SEC24D: variants seen among roughly 807,000 people sequenced by gnomAD.
SEC24D encodes SEC24 homolog D, COPII component.
SEC24D carries 69 observed loss-of-function variants against 116.9 expected under a neutral mutation model. That is an observed-to-expected ratio of 0.59 (90% CI 0.49 to 0.72). The LOEUF is 0.72. Among genes scored for constraint, SEC24D ranks in the 30% least tolerant of loss-of-function variants. The probability of loss-of-function intolerance (pLI) is 0.00; values close to 1 mark genes in which losing one functional copy is unlikely to be tolerated. For missense variants in SEC24D, 1,131 were observed against 1,264.1 expected (o/e 0.89, Z 1.60); for synonymous variants, 405 against 442.8 (o/e 0.91, Z 1.07).
At chr4:118,824,190 A>G (rs566279088) in intron 3 of SEC24D, among the ~76,000 whole-genome samples, 205 of 152,188 alleles carry the variant, frequency 1.3e-3, no homozygotes, top group African/African-American at 4.4e-3. Context: ...TGTGTTGCCC[A>G]GGCTGGAGTG....
intron 8 of SEC24D, among the ~76,000 whole-genome samples, chr4:118,787,845 G>A (rs541425114): frequency 2.6e-5 from 4 of 152,048 alleles, no homozygotes; most frequent in Non-Finnish European, 5.9e-5. Flanking sequence ...TAAAGTCGAG[G>A]TCTCACTCTG....
chr4:118,789,065 G>A (rs1228087486), intron 8 of SEC24D, among the ~76,000 whole-genome samples: 1 of 152,208 alleles, frequency 6.6e-6, no homozygotes, highest in Non-Finnish European at 1.5e-5. Context: ...GGAAGAGCAA[G>A]AGGCTCATTG....
At chr4:118,799,760 G>T (rs553631658) in intron 7 of SEC24D, among the ~76,000 whole-genome samples, 1 of 152,284 alleles carries the variant, frequency 6.6e-6, no homozygotes, top group East Asian at 1.9e-4. Context: ...TCCTAAAGAG[G>T]CAGTTTTGGT....
At chr4:118,788,249 T>C (rs1177355584) in intron 8 of SEC24D, among the ~76,000 whole-genome samples, 1 of 152,230 alleles carries the variant, frequency 6.6e-6, no homozygotes, top group Non-Finnish European at 1.5e-5. Flanking sequence ...TAGGGCTTCA[T>C]AAATGGCATC....
At chr4:118,804,470 CCCA>C (rs2110512673) in intron 7 of SEC24D, among the ~76,000 whole-genome samples, 1 of 151,508 alleles carries the variant, frequency 6.6e-6, no homozygotes, top group Non-Finnish European at 1.5e-5. Context: ...TGAAAAAAGC[CCCA>C]ATATTGTTTT....
chr4:118,756,006 A>G (rs1312088271), intron 11 of SEC24D, among the ~76,000 whole-genome samples: 1 of 152,186 alleles, frequency 6.6e-6, no homozygotes, highest in East Asian at 1.9e-4. Context: ...TTCATAACTT[A>G]TATCAACAGG....
intron 8 of SEC24D, among the ~76,000 whole-genome samples, chr4:118,793,464 C>T (rs1389796540): frequency 1.2e-5 from 1 of 81,132 alleles, no homozygotes; most frequent in Non-Finnish European, 2.4e-5. Flanking sequence ...GAGACTCCGT[C>T]TCAAAAAAAA....
intron 7 of SEC24D, among the ~76,000 whole-genome samples, chr4:118,799,785 A>G (rs929086726): frequency 1.3e-5 from 2 of 152,168 alleles, no homozygotes; most frequent in Non-Finnish European, 2.9e-5. Flanking sequence ...TGCTAGGGAA[A>G]AATCTGCTCA....
intron 8 of SEC24D, among the ~76,000 whole-genome samples, chr4:118,773,094 T>A (rs770073808): frequency 7.3e-4 from 111 of 151,756 alleles, no homozygotes; most frequent in Middle Eastern, 3.4e-3. Context: ...TCACTAATTT[T>A]AAAAAAAAAC....
chr4:118,777,204 T>A (rs1007273505), intron 8 of SEC24D, among the ~76,000 whole-genome samples: 1 of 152,082 alleles, frequency 6.6e-6, no homozygotes, highest in Non-Finnish European at 1.5e-5. Flanking sequence ...CCATGTTGGT[T>A]TGCTGCACCC....
rs527603810 is a variant in SEC24D, at chr4:118,762,313, C to A, written c.1296+2489G>T. Among the ~76,000 whole-genome samples the A allele has an allele frequency of 2.6e-5, 4 of 152,208 alleles. No individual in the cohort carries two copies. The East Asian group carries it at 7.7e-4, about 29-fold the overall frequency. ...AGAGAATAGGGCTTCTGTGATCACA[C>A]AGATACGGTTTTCAGTCTGGCTCTG... On this transcript the variant is annotated intron_variant, in intron 10 of 22. Transcript: ENST00000280551.
chr4:118,793,637 C>G (rs953124294), intron 8 of SEC24D, among the ~76,000 whole-genome samples: 1 of 152,160 alleles, frequency 6.6e-6, no homozygotes, highest in African/African-American at 2.4e-5. Flanking sequence ...GGCACATGCC[C>G]CTGAGGAACT....
intron 13 of SEC24D, among the ~76,000 whole-genome samples, chr4:118,748,538 T>C (rs1249089013): frequency 6.6e-6 from 1 of 152,112 alleles, no homozygotes; most frequent in Non-Finnish European, 1.5e-5. Flanking sequence ...GAGCGAGTCA[T>C]ACAGAATTAA....
Position 118,808,660 on chromosome 4 carries a change from G to A in SEC24D, c.802-2706C>T, listed in dbSNP as rs111240241. Reference sequence around the variant, plus strand: ...AAGCTTCAATAGCAATTTTGACTGTGACTTGGTACCTGAAGGGTTTAGATT... The same window carrying A: ...AAGCTTCAATAGCAATTTTGACTGTAACTTGGTACCTGAAGGGTTTAGATT... On this transcript the variant is annotated intron_variant, in intron 6 of 22. Coordinates refer to ENST00000280551, the MANE Select transcript of SEC24D (RefSeq NM_014822.4). 9.0e-3 allele frequency among the ~76,000 whole-genome samples: 1,378 copies of A among 152,314 alleles called. 13 individuals are homozygous for A. Among genetic ancestry groups the A allele is most frequent in the Non-Finnish European group, 0.014 (961 of 68,030 alleles).
intron 6 of SEC24D, among the ~76,000 whole-genome samples, chr4:118,810,137 T>TGTGG (rs56961502): frequency 0.037 from 3,872 of 104,234 alleles, 335 homozygotes; most frequent in East Asian, 0.064. Context: ...TGTGTGTGTG[T>TGTGG]CAGAGGGTAT....
Position 118,833,620 on chromosome 4 carries a change from T to A in SEC24D, c.77A>T (p.Tyr26Phe), listed in dbSNP as rs555665853. 1 of 1,614,020 alleles carries A rather than the reference T, an allele frequency of 6.2e-7. No homozygotes were observed. The highest frequency in any genetic ancestry group is 8.5e-7 in the Non-Finnish European group (1 of 1,179,928). ...GTGCGACGGATCCCCATAGTGCCCA[T>A]AATGAGGTGGAGAAAGGCCTATTCC... is the stretch of plus-strand genomic sequence containing the variant. ...QPGIGLSPPHYGHYGDPSHTA... is the reference protein window; with the variant it reads ...QPGIGLSPPHFGHYGDPSHTA... Residue 26 changes from tyrosine (Y) to phenylalanine (F), a missense_variant, in exon 2 of 23, where the codon TAT becomes TTT. Physicochemically the swap from Tyr to Phe is conservative, Grantham distance 22. Coordinates refer to ENST00000280551, the MANE Select transcript of SEC24D (RefSeq NM_014822.4).
Position 118,833,630 on chromosome 4 carries a change from G to T in SEC24D, c.67C>A (p.Pro23Thr), listed in dbSNP as rs1393941628. 2.5e-6 allele frequency: 4 copies of T among 1,614,018 alleles called. No individual in the cohort carries two copies. The highest frequency in any genetic ancestry group is 3.4e-6 in the Non-Finnish European group (4 of 1,180,008). ...TCCCCATAGTGCCCATAATGAGGTG[G>T]AGAAAGGCCTATTCCAGGCTGAGGC... ...SQPQPGIGLS[P>T]PHYGHYGDPS... Residue 23 changes from proline (P) to threonine (T), a missense_variant, in exon 2 of 23, where the codon CCA becomes ACA. Pro to Thr is a conservative substitution (Grantham distance 38). Transcript: ENST00000280551.
At chr4:118,746,570 CT>C (rs1050411134) in intron 13 of SEC24D, among the ~76,000 whole-genome samples, 1 of 151,926 alleles carries the variant, frequency 6.6e-6, no homozygotes, top group African/African-American at 2.4e-5. Context: ...GTCTTTACCC[CT>C]GACATCTGCT....
At chr4:118,731,553 T>TC in intron 20 of SEC24D, 46 bp from the exon 21 acceptor site, 6 of 1,511,556 alleles carry the variant, frequency 4.0e-6, no homozygotes, top group Non-Finnish European at 3.7e-6. Flanking sequence ...TTCTTCCCCT[T>TC]CCCTTCCCTC....
Sources: allele counts gnomAD v4.1 joint callset (sites outside exome capture counted in the v4.1 genomes callset), GRCh38; gene constraint gnomAD v4.1.1; transcripts MANE v1.5; gene names NCBI Gene and HGNC (gene_info 2026-07-23, HGNC 2026-07-21).